The following FBXL2 variants were observed in gnomAD, a reference collection of about 807,000 sequenced individuals.
FBXL2 encodes F-box and leucine rich repeat protein 2.
FBXL2 carries 38 observed loss-of-function variants against 69.2 expected under a neutral mutation model. That is an observed-to-expected ratio of 0.55 (90% CI 0.42 to 0.72). The LOEUF (loss-of-function observed/expected upper bound fraction) is 0.72, where lower values mean the gene tolerates loss of function less well. FBXL2 is among the 30% of genes least tolerant of loss of function. The pLI is 0.00. For synonymous variants in FBXL2, 192 were observed against 201.3 expected (o/e 0.95, Z 0.39); for missense variants, 354 against 520.3 (o/e 0.68, Z 3.11).
intron 2 of FBXL2, among the ~76,000 whole-genome samples, chr3:33,321,326 A>G (rs2038194216): frequency 6.6e-6 from 1 of 151,980 alleles, no homozygotes; most frequent in African/African-American, 2.4e-5. Flanking sequence ...AAAAAGAAAA[A>G]GAAAAAAGAA....
chr3:33,280,203 G>A (rs2033822145), intron 1 of FBXL2, among the ~76,000 whole-genome samples: 1 of 152,116 alleles, frequency 6.6e-6, no homozygotes, highest in African/African-American at 2.4e-5. Flanking sequence ...AATTAGATCA[G>A]CATTCTTACT....
chr3:33,315,188 C>T (rs1245219897), intron 2 of FBXL2, among the ~76,000 whole-genome samples: 4 of 151,464 alleles, frequency 2.6e-5, no homozygotes, highest in Admixed American at 6.6e-5. Context: ...TCATTCTTTC[C>T]TTTCTTTTCT....
At chr3:33,407,487 G>A (rs1312709317), downstream of FBXL2, among the ~76,000 whole-genome samples, 4 of 151,912 alleles carry the variant, frequency 2.6e-5, no homozygotes, top group East Asian at 5.8e-4. Flanking sequence ...AAAATTGCTG[G>A]GGCGGGTGTT....
chr3:33,360,878 T>G (rs1328308137), intron 4 of FBXL2, among the ~76,000 whole-genome samples: 2 of 151,454 alleles, frequency 1.3e-5, no homozygotes, highest in Non-Finnish European at 2.9e-5. Flanking sequence ...TTTTGATGAC[T>G]TTTCCAACCA....
chr3:33,402,714 A>G (rs774394495), intron 12 of FBXL2: 11 of 981,262 alleles, frequency 1.1e-5, no homozygotes, highest in Non-Finnish European at 1.4e-5. Context: ...CAATACAAAC[A>G]AAAGGCTGCT....
In FBXL2 at chr3:33,385,746, G is replaced by A. The variant is rs2043389907; in HGVS notation, c.*138G>A. 1 of 669,056 alleles carries A rather than the reference G, an allele frequency of 1.5e-6. No homozygotes were observed. Among genetic ancestry groups the A allele is most frequent in the Non-Finnish European group, 2.7e-6 (1 of 376,560 alleles). 41.4% of individuals were successfully genotyped at this position (669,056 alleles called of 1,614,324 possible). A position where few individuals can be genotyped will look rare whatever the true frequency, so the allele number is the denominator to read the frequency against. ...ATTTACAGGTAAAAGACTTCTGTAT[G>A]GATTGCAGTTACTCTGGTGATAGTT... On this transcript the variant is annotated 3_prime_UTR_variant, in exon 15 of 15. Transcript: ENST00000484457.
chr3:33,298,922 A>G (rs186154168), intron 2 of FBXL2, among the ~76,000 whole-genome samples: 1 of 152,114 alleles, frequency 6.6e-6, no homozygotes, highest in African/African-American at 2.4e-5. Context: ...CAAAACCTAT[A>G]GGACTTCACA....
chr3:33,302,363 G>A (rs2125732433), intron 2 of FBXL2, among the ~76,000 whole-genome samples: 1 of 152,118 alleles, frequency 6.6e-6, no homozygotes, highest in East Asian at 1.9e-4. Flanking sequence ...CAATTACCTT[G>A]CATTATAAAA....
chr3:33,412,453 C>T, the FBXL2 span, among the ~76,000 whole-genome samples: 10 of 151,892 alleles, frequency 6.6e-5, no homozygotes, highest in Non-Finnish European at 1.3e-4. Flanking sequence ...CATGGTGGCG[C>T]GCACCTGCAA....
intron 5 of FBXL2, among the ~76,000 whole-genome samples, chr3:33,365,245 T>C (rs536493451): frequency 6.6e-6 from 1 of 152,068 alleles, no homozygotes; most frequent in African/African-American, 2.4e-5. Flanking sequence ...AACCAAATAT[T>C]TGCCCATCTC....
chr3:33,416,366 G>C, the FBXL2 span, among the ~76,000 whole-genome samples: 1 of 152,180 alleles, frequency 6.6e-6, no homozygotes, highest in Non-Finnish European at 1.5e-5. Context: ...TCTTCATTCA[G>C]ATACATGAGT....
intron 13 of FBXL2, chr3:33,383,272 C>A (rs1371908972): frequency 3.9e-5 from 6 of 152,538 alleles, no homozygotes; most frequent in Admixed American, 3.9e-4. Flanking sequence ...AGTACTTTTG[C>A]CTCTCTAGTT....
chr3:33,333,859 A>G (rs1302054575), intron 2 of FBXL2, among the ~76,000 whole-genome samples: 1 of 152,172 alleles, frequency 6.6e-6, no homozygotes, highest in Non-Finnish European at 1.5e-5. Context: ...CCACATTTGA[A>G]CCAAAAAGCA....
chr3:33,400,030 T>C (rs565318064), intron 12 of FBXL2, among the ~76,000 whole-genome samples: 101 of 152,316 alleles, frequency 6.6e-4, no homozygotes, highest in Middle Eastern at 6.8e-3. Flanking sequence ...ATACAAGATA[T>C]TCCTATTGGG....
At chr3:33,360,734 C>T (rs982512041) in intron 4 of FBXL2, among the ~76,000 whole-genome samples, 5 of 152,046 alleles carry the variant, frequency 3.3e-5, no homozygotes, top group African/African-American at 1.2e-4. Context: ...ACTATGTTTA[C>T]TTAGTGATGA....
At chr3:33,419,594 C>G in the FBXL2 span, among the ~76,000 whole-genome samples, 2 of 150,248 alleles carry the variant, frequency 1.3e-5, no homozygotes, top group African/African-American at 2.5e-5. Context: ...CGCCATTGCA[C>G]TCCAGCCTGG....
rs574152635 is a variant in FBXL2, at chr3:33,285,517, T to A, written c.3+8002T>A. Among the ~76,000 whole-genome samples, 13 of 152,300 alleles carry A rather than the reference T, an allele frequency of 8.5e-5. No individual in the cohort carries two copies. The East Asian group carries it at 2.5e-3, about 29-fold the overall frequency. ...CTTTGGTGAATCTGACAATTATGTG[T>A]CTTGGTATTGCTCTTCTCAAGGATT... On this transcript the variant is annotated intron_variant, in intron 1 of 14. Transcript: ENST00000484457.
In FBXL2 at chr3:33,285,780, G is replaced by A. The variant is rs369029166; in HGVS notation, c.3+8265G>A. Among the ~76,000 whole-genome samples the A allele has an allele frequency of 4.0e-4, 60 of 151,852 alleles. No homozygotes were observed. The East Asian group carries it at 9.3e-3, about 24-fold the overall frequency. ...TAAACTTCTGTTCTCACTTCATTTC[G>A]TTCATTTGATCTTCCATCACTGATA... On this transcript the variant is annotated intron_variant, in intron 1 of 14. Coordinates refer to ENST00000484457, the MANE Select transcript of FBXL2 (RefSeq NM_012157.5).
At position 33,379,011 on chromosome 3, in the gene FBXL2, C is replaced by CT. The variant is rs879577468; in HGVS notation, c.951+284dup. ...TACCAAACATTTAAGGAATGAACAT[C>CT]TTTTTTTTTTTTTTGAAACAGGGTC... On this transcript the variant is annotated intron_variant, in intron 13 of 14. Transcript: ENST00000484457. Among the ~76,000 whole-genome samples, 203 of 144,914 alleles carry CT rather than the reference C, an allele frequency of 1.4e-3. 1 individual carries two copies. Among genetic ancestry groups the CT allele is most frequent in the South Asian group, 6.8e-3 (31 of 4,560 alleles).
Sources: allele counts gnomAD v4.1 joint callset (sites outside exome capture counted in the v4.1 genomes callset), GRCh38; gene constraint gnomAD v4.1.1; transcripts MANE v1.5; gene names NCBI Gene and HGNC (gene_info 2026-07-23, HGNC 2026-07-21).